WDFY2: variants seen among roughly 807,000 people sequenced by gnomAD.
The protein encoded by WDFY2 is WD repeat and FYVE domain containing 2.
Under a neutral mutation model 56.4 loss-of-function variants are expected in WDFY2, and 36 were observed. That is an observed-to-expected ratio of 0.64 (90% CI 0.49 to 0.84). WDFY2 has a LOEUF of 0.84. Among genes scored for constraint, WDFY2 ranks in the 40% least tolerant of loss-of-function variants. WDFY2 has a pLI of 0.00. For synonymous variants in WDFY2, 176 were observed against 183.7 expected, an observed-to-expected ratio of 0.96 and a Z score of 0.34; for missense variants, 444 against 512.2, an observed-to-expected ratio of 0.87 and a Z score of 1.29.
chr13:51,724,517 G>A (rs918369993), intron 5 of WDFY2, among the ~76,000 whole-genome samples: 6 of 152,162 alleles, frequency 3.9e-5, no homozygotes, highest in Non-Finnish European at 7.4e-5. Flanking sequence ...GATTACAGGC[G>A]TGAGCCATCG....
At chr13:51,676,755 A>G (rs889318243) in intron 3 of WDFY2, among the ~76,000 whole-genome samples, 1 of 152,216 alleles carries the variant, frequency 6.6e-6, no homozygotes, top group Admixed American at 6.5e-5. Context: ...AGTTTATGAT[A>G]CAAAGTTGTC....
chr13:51,678,604 G>A (rs1037015888), intron 3 of WDFY2, among the ~76,000 whole-genome samples: 1 of 152,164 alleles, frequency 6.6e-6, no homozygotes, highest in African/African-American at 2.4e-5. Flanking sequence ...TATTCATGCT[G>A]AAGTGGAACT....
intron 1 of WDFY2, among the ~76,000 whole-genome samples, chr13:51,636,612 G>A (rs1450861292): frequency 1.3e-5 from 2 of 152,222 alleles, no homozygotes; most frequent in East Asian, 3.8e-4. Context: ...ATACAGTACA[G>A]CAGGGGAAAG....
At chr13:51,624,507 C>T (rs1954804540) in intron 1 of WDFY2, among the ~76,000 whole-genome samples, 2 of 152,192 alleles carry the variant, frequency 1.3e-5, no homozygotes, top group African/African-American at 4.8e-5. Flanking sequence ...GCACCAGGCA[C>T]TATTCTAGGC....
At chr13:51,679,225 A>G (rs1955937912) in intron 3 of WDFY2, among the ~76,000 whole-genome samples, 1 of 152,212 alleles carries the variant, frequency 6.6e-6, no homozygotes, top group Non-Finnish European at 1.5e-5. Context: ...GGAAATGTCA[A>G]CACAGAAGTA....
chr13:51,666,300 A>T (rs1490128078), intron 2 of WDFY2, among the ~76,000 whole-genome samples: 1 of 152,188 alleles, frequency 6.6e-6, no homozygotes, highest in African/African-American at 2.4e-5. Context: ...GAAGTGCTTT[A>T]TGGCTGTTTT....
chr13:51,643,547 G>C (rs1273948644), intron 1 of WDFY2, among the ~76,000 whole-genome samples: 1 of 152,150 alleles, frequency 6.6e-6, no homozygotes, highest in South Asian at 2.1e-4. Context: ...CTACAGGGTG[G>C]TATTGATGAA....
At chr13:51,634,433 A>G (rs1010051277) in intron 1 of WDFY2, among the ~76,000 whole-genome samples, 4 of 152,208 alleles carry the variant, frequency 2.6e-5, no homozygotes, top group African/African-American at 9.6e-5. Context: ...GCCTTTTAAT[A>G]CACAAAGATT....
chr13:51,703,625 G>A lies in WDFY2; in HGVS notation c.309G>A (p.Lys103=). 6.2e-7 allele frequency: 1 copy of A among 1,609,208 alleles called. No individual in the cohort carries two copies. Among genetic ancestry groups the A allele is most frequent in the East Asian group, 2.2e-5 (1 of 44,712 alleles). Residue 103 remains lysine, a synonymous_variant, in exon 4 of 12, where the codon AAG becomes AAA. Transcript: ENST00000298125. The stretch of plus-strand genomic sequence containing the variant: ...TTATATTGTCAGAAGATTATAACAA[G>A]ATGACTCCTGTGAAAAACTATCAAG... ...SEFILSEDYN[K]MTPVKNYQAH...
intron 11 of WDFY2, among the ~76,000 whole-genome samples, chr13:51,758,844 C>G (rs548819816): frequency 8.5e-5 from 13 of 152,260 alleles, no homozygotes; most frequent in African/African-American, 2.2e-4. Context: ...TAAAATAACC[C>G]ACTTTGGAAG....
chr13:51,654,058 T>G (rs1022656653), intron 1 of WDFY2, among the ~76,000 whole-genome samples: 11 of 152,198 alleles, frequency 7.2e-5, no homozygotes, highest in African/African-American at 2.7e-4. Context: ...TCACCCAGTT[T>G]GAGCTTCCTG....
chr13:51,734,452 CAACCACT>C (rs1952791776), intron 6 of WDFY2, among the ~76,000 whole-genome samples: 1 of 152,120 alleles, frequency 6.6e-6, no homozygotes, highest in Non-Finnish European at 1.5e-5. Flanking sequence ...AGATATTAGC[CAACCACT>C]AACAGTTATA....
intron 1 of WDFY2, among the ~76,000 whole-genome samples, chr13:51,639,927 A>C (rs976495664): frequency 3.9e-5 from 6 of 152,200 alleles, no homozygotes; most frequent in Non-Finnish European, 8.8e-5. Flanking sequence ...CTTTTAAAAA[A>C]TTTCTAGCAG....
intron 1 of WDFY2, among the ~76,000 whole-genome samples, chr13:51,627,299 G>A (rs1954853564): frequency 6.6e-6 from 1 of 152,320 alleles, no homozygotes; most frequent in African/African-American, 2.4e-5. Context: ...AAGGGGCAGG[G>A]AGGGGGACAT....
chr13:51,709,798 C>A (rs907434557), intron 4 of WDFY2, among the ~76,000 whole-genome samples: 8 of 152,034 alleles, frequency 5.3e-5, no homozygotes, highest in Non-Finnish European at 1.0e-4. Context: ...AATTAATAGG[C>A]TACCAACCAA....
chr13:51,691,420 G>C (rs1187590531), intron 3 of WDFY2, among the ~76,000 whole-genome samples: 3 of 149,578 alleles, frequency 2.0e-5, no homozygotes, highest in Non-Finnish European at 4.5e-5. Flanking sequence ...CATATGGCTA[G>C]CCAGTTTTCC....
At chr13:51,758,345 A>G in intron 11 of WDFY2, 45 bp downstream of exon 11, 2 of 1,416,282 alleles carry the variant, frequency 1.4e-6, no homozygotes, top group Non-Finnish European at 9.8e-7. Context: ...TTGGCCTCAT[A>G]TAAATATACA....
intron 3 of WDFY2, among the ~76,000 whole-genome samples, chr13:51,698,084 T>C (rs1951912920): frequency 6.6e-6 from 1 of 152,210 alleles, no homozygotes; most frequent in Admixed American, 6.5e-5. Flanking sequence ...CTTGAGCAAC[T>C]TGTCAAGATC....
Position 51,761,844 on chromosome 13 carries a change from A to AGCTCTGTG in WDFY2, c.*2075_*2076insGCTCTGTG. The AGCTCTGTG allele has an allele frequency of 6.6e-6, 1 of 152,166 alleles. No individual in the cohort carries two copies. The highest frequency in any genetic ancestry group is 2.1e-4 in the South Asian group (1 of 4,828). 9.4% of individuals were successfully genotyped at this position (152,166 alleles called of 1,614,324 possible). On this transcript the variant is annotated 3_prime_UTR_variant, in exon 12 of 12. Coordinates refer to ENST00000298125, the MANE Select transcript of WDFY2 (RefSeq NM_052950.4). ...TTGAGCCATCAGACCGGCTCAGCCC[A>AGCTCTGTG]TGTGACCGGAGCTCTGAAGAGGCAC...
Sources: gnomAD v4.1 joint callset for allele counts (sites outside exome capture counted in the v4.1 genomes callset) on GRCh38, gnomAD v4.1.1 for gene constraint, MANE v1.5 for transcripts, NCBI Gene and HGNC (gene_info 2026-07-23, HGNC 2026-07-21) for gene names.